Variants in UGT1A10 observed in about 807,000 individuals in gnomAD.
The protein encoded by UGT1A10 is UDP glucuronosyltransferase family 1 member A10.
Under a neutral mutation model 45.8 loss-of-function variants are expected in UGT1A10, and 49 were observed. That is an observed-to-expected ratio of 1.07 (90% CI 0.85 to 1.36). The LOEUF (loss-of-function observed/expected upper bound fraction) is 1.36, where lower values mean the gene tolerates loss of function less well. UGT1A10 is among the 40% of genes most tolerant of loss of function. The probability of loss-of-function intolerance (pLI) is 0.00; values close to 1 mark genes in which losing one functional copy is unlikely to be tolerated. For missense variants in UGT1A10, 745 were observed against 668.6 expected (o/e 1.11, Z -1.26); for synonymous variants, 284 against 249.7 (o/e 1.14, Z -1.29).
intron 1 of UGT1A10, chr2:233,648,775 A>T: frequency 1.2e-6 from 1 of 803,424 alleles, no homozygotes; most frequent in African/African-American, 1.7e-5. Context: ...GGATGCCATG[A>T]CTTTTAAGGA....
intron 1 of UGT1A10, among the ~76,000 whole-genome samples, chr2:233,646,257 C>T (rs1296531119): frequency 1.3e-5 from 2 of 152,124 alleles, no homozygotes; most frequent in African/African-American, 4.8e-5. Context: ...ATTGTTTCCT[C>T]CTAGGCCTCC....
At chr2:233,648,517 G>A (rs1357998172) in intron 1 of UGT1A10, 2 of 159,800 alleles carry the variant, frequency 1.3e-5, no homozygotes, top group African/African-American at 4.8e-5. Context: ...CTGGAGTGCA[G>A]TGGCGTGATC....
intron 1 of UGT1A10, among the ~76,000 whole-genome samples, chr2:233,766,000 G>A (rs1299002153): frequency 1.3e-5 from 2 of 152,106 alleles, no homozygotes; most frequent in African/African-American, 2.4e-5. Context: ...TCCAGTGGGC[G>A]TGGGTTATGG....
chr2:233,637,512 T>C, intron 1 of UGT1A10, 135 bp downstream of exon 1: 2 of 1,471,440 alleles, frequency 1.4e-6, no homozygotes, highest in Non-Finnish European at 1.8e-6. Context: ...AATTATTTTG[T>C]GCGAATTCAT....
In UGT1A10 at chr2:233,704,113, A is replaced by T. The variant is rs1013421072; in HGVS notation, c.856-62921A>T. 1.2e-4 allele frequency among the ~76,000 whole-genome samples: 18 copies of T among 149,824 alleles called. 1 individual carries two copies. On this transcript the variant is annotated intron_variant, in intron 1 of 4. Transcript: ENST00000344644. ...GCCATGTTGGTCAGTCTGGTCTCAA[A>T]CTCCTTACCTCAAGTGATCCACCCG... is the stretch of plus-strand genomic sequence containing the variant.
chr2:233,721,874 C>T, intron 1 of UGT1A10: 1 of 497,188 alleles, frequency 2.0e-6, no homozygotes. Flanking sequence ...GGCACACTTG[C>T]CAGCCCCTCC....
chr2:233,723,542 A>ATTTTTTTTTTT (rs2077098328), intron 1 of UGT1A10, among the ~76,000 whole-genome samples: 1 of 74,518 alleles, frequency 1.3e-5, no homozygotes. Context: ...TTTTTAATTT[A>ATTTTTTTTTTT]TTTTTTTATT....
chr2:233,664,035 C>T (rs552312767), intron 1 of UGT1A10, among the ~76,000 whole-genome samples: 44 of 152,266 alleles, frequency 2.9e-4, no homozygotes, highest in Middle Eastern at 3.4e-3. Flanking sequence ...GCCAGATACC[C>T]TAGGTCATCA....
chr2:233,767,749 G>A (rs1699471404), intron 2 of UGT1A10, 100 bp from the exon 3 acceptor site: 1 of 1,594,036 alleles, frequency 6.3e-7, no homozygotes, highest in African/African-American at 1.3e-5. Context: ...GTTAAAGACT[G>A]TTCCTTCAGA....
chr2:233,650,939 C>T (rs536253880), intron 1 of UGT1A10, among the ~76,000 whole-genome samples: 16 of 152,122 alleles, frequency 1.1e-4, no homozygotes, highest in Non-Finnish European at 2.2e-4. Flanking sequence ...TATGTTCTGG[C>T]TTCTTACAAG....
chr2:233,738,035 A>T (rs1181803416), intron 1 of UGT1A10, among the ~76,000 whole-genome samples: 1 of 151,816 alleles, frequency 6.6e-6, no homozygotes, highest in African/African-American at 2.4e-5. Flanking sequence ...CATAATCCCC[A>T]CGTGTTGAGG....
In UGT1A10 at chr2:233,769,600, G is replaced by A. The variant is rs36059993; in HGVS notation, c.1295+1161G>A. 2,963 of 1,612,786 alleles carry A rather than the reference G, an allele frequency of 1.8e-3. 49 individuals are homozygous for A. In the African/African-American group the frequency reaches 0.035, roughly 19 times the overall value. ...GTTCAGATGAGAGGAGACGGAACAC[G>A]GGGACACACCAGCTTGAGCAAGGGA... is the stretch of plus-strand genomic sequence containing the variant. On this transcript the variant is annotated intron_variant, in intron 4 of 4. Transcript: ENST00000344644. The surrounding 1 kb of genome is among the most constrained non-coding windows in gnomAD (Gnocchi z 4.4).
chr2:233,651,622 T>C (rs1171289785), intron 1 of UGT1A10, among the ~76,000 whole-genome samples: 1 of 152,210 alleles, frequency 6.6e-6, no homozygotes, highest in African/African-American at 2.4e-5. Flanking sequence ...TGAACTGTCA[T>C]TGAAAGACCT....
intron 1 of UGT1A10, among the ~76,000 whole-genome samples, chr2:233,721,307 T>C (rs1157154346): frequency 1.3e-5 from 2 of 152,202 alleles, no homozygotes; most frequent in Non-Finnish European, 2.9e-5. Flanking sequence ...GAATAGTGAT[T>C]GTGGCTCTTT....
At chr2:233,662,234 T>C in intron 1 of UGT1A10, among the ~76,000 whole-genome samples, 1 of 152,230 alleles carries the variant, frequency 6.6e-6, no homozygotes, top group Non-Finnish European at 1.5e-5. Flanking sequence ...GTCTATAATA[T>C]GGTAGTAAAT....
At chr2:233,697,702 C>T (rs971545234) in intron 1 of UGT1A10, among the ~76,000 whole-genome samples, 6 of 151,892 alleles carry the variant, frequency 4.0e-5, no homozygotes, top group Non-Finnish European at 4.4e-5. Context: ...TGGATGTAGG[C>T]ATTTATTGTT....
chr2:233,674,296 C>T (rs1205151095), intron 1 of UGT1A10, among the ~76,000 whole-genome samples: 1 of 152,194 alleles, frequency 6.6e-6, no homozygotes. Context: ...TTAGGCATGA[C>T]TTTCGGATCT....
chr2:233,655,763 C>G (rs928850406), intron 1 of UGT1A10, among the ~76,000 whole-genome samples: 10 of 152,138 alleles, frequency 6.6e-5, no homozygotes, highest in African/African-American at 2.4e-4. Flanking sequence ...AGAGCCCCAT[C>G]CCTGCAAGAG....
intron 1 of UGT1A10, chr2:233,717,942 G>C (rs1357400143): frequency 2.2e-6 from 1 of 453,616 alleles, no homozygotes; most frequent in Non-Finnish European, 4.4e-6. Flanking sequence ...TCTCTATGCA[G>C]ACTTGCAGAA....
Sources: gnomAD v4.1 joint callset for allele counts (sites outside exome capture counted in the v4.1 genomes callset) on GRCh38, gnomAD v4.1.1 for gene constraint, Gnocchi (gnomAD v3.1) non-coding constraint, MANE v1.5 for transcripts, NCBI Gene and HGNC (gene_info 2026-07-23, HGNC 2026-07-21) for gene names.